RALGDS: variants seen among roughly 807,000 people sequenced by gnomAD.
The protein encoded by RALGDS is ral guanine nucleotide exchange factor.
In RALGDS, 44 loss-of-function variants were observed where a neutral mutation model predicts 99.8. The observed-to-expected ratio is 0.44, with a 90% CI of 0.35 to 0.57. RALGDS has a LOEUF of 0.57. RALGDS is among the 20% of genes least tolerant of loss of function. The probability of loss-of-function intolerance (pLI) is 0.01; values close to 1 mark genes in which losing one functional copy is unlikely to be tolerated. For synonymous variants in RALGDS, 529 were observed against 505.0 expected (o/e 1.05, Z -0.64); for missense variants, 1,022 against 1,203.1 (o/e 0.85, Z 2.23).
intron 1 of RALGDS, among the ~76,000 whole-genome samples, chr9:133,127,081 CT>C (rs1832185370): frequency 6.6e-6 from 1 of 152,254 alleles, no homozygotes; most frequent in African/African-American, 2.4e-5. Flanking sequence ...CCCCTTCTGT[CT>C]GGCTGGTGCG....
At chr9:133,105,023 C>T (rs1350549734) in intron 9 of RALGDS, among the ~76,000 whole-genome samples, 2 of 152,216 alleles carry the variant, frequency 1.3e-5, no homozygotes, top group Non-Finnish European at 2.9e-5. Context: ...ACAGGCTCTT[C>T]TGTCCTAGCC....
chr9:133,138,372 G>A (rs77785575), intron 1 of RALGDS, among the ~76,000 whole-genome samples: 2,192 of 152,276 alleles, frequency 0.014, 49 homozygotes, highest in African/African-American at 0.05. Context: ...CCTGGAAGGC[G>A]AGGCTCAAGG....
In RALGDS at chr9:133,121,178, G is replaced by A; in HGVS notation, c.-24C>T. 2 of 1,053,464 alleles carry A rather than the reference G, an allele frequency of 1.9e-6. No individual in the cohort carries two copies. The highest frequency in any genetic ancestry group is 1.1e-6 in the Non-Finnish European group (1 of 875,228). The allele number at this position is 1,053,464 out of a possible 1,614,324, so 65.3% of individuals were successfully genotyped here. A position where few individuals can be genotyped will look rare whatever the true frequency, so the allele number is the denominator to read the frequency against. On this transcript the variant is annotated 5_prime_UTR_variant, in exon 1 of 18. Coordinates refer to ENST00000372050, the MANE Select transcript of RALGDS (RefSeq NM_006266.4). ...ATGGAAGGCTCGCAGCGCGGGCGCG[G>A]GGCCGGCCCGGCGCGCGGCGGGGGC...
At position 133,101,334 on chromosome 9, in the gene RALGDS, C is replaced by T. The variant is rs751933844; in HGVS notation, c.2454+186G>A. On this transcript the variant is annotated intron_variant, in intron 16 of 17. Transcript: ENST00000372050. ...GGGGCTTTGCACGGCTGCTCCTTTC[C>T]TCCCCCTCTGCCCTCAGGCCAGCCT... 5.5e-6 allele frequency: 8 copies of T among 1,461,804 alleles called. No individual in the cohort carries two copies. In the East Asian group the frequency reaches 1.6e-4, roughly 30 times the overall value. The allele number at this position is 1,461,804 out of a possible 1,614,324, so 90.6% of individuals were successfully genotyped here.
chr9:133,113,997 C>T (rs1831475168), intron 1 of RALGDS, among the ~76,000 whole-genome samples: 1 of 152,226 alleles, frequency 6.6e-6, no homozygotes, highest in Non-Finnish European at 1.5e-5. Flanking sequence ...CCAGGCAGGC[C>T]AATCCCCAGG....
intron 1 of RALGDS, chr9:133,129,106 C>A (rs1192182638): frequency 1.9e-6 from 3 of 1,557,740 alleles, no homozygotes; most frequent in South Asian, 1.2e-5. Flanking sequence ...CAGCCCCTCC[C>A]CGGCAGAGGC....
chr9:133,139,779 G>T (rs1003023594), intron 1 of RALGDS, among the ~76,000 whole-genome samples: 1 of 152,198 alleles, frequency 6.6e-6, no homozygotes, highest in Admixed American at 6.5e-5. Flanking sequence ...TCTGCGAAGC[G>T]GAGCAGACAT....
At position 133,104,498 on chromosome 9, in the gene RALGDS, C is replaced by T. The variant is rs1353996222; in HGVS notation, c.1603-167G>A. 1.2e-5 allele frequency: 8 copies of T among 656,826 alleles called. No individual in the cohort carries two copies. In the Admixed American group the frequency reaches 1.6e-4, roughly 13 times the overall value. The allele number at this position is 656,826 out of a possible 1,614,324, so 40.7% of individuals were successfully genotyped here. ...CTGGCCTTCCTGAGCCTGCCTCCCC[C>T]TCTGGAAAGTGCGGATGAGAACTCC... On this transcript the variant is annotated intron_variant, in intron 9 of 17. Coordinates refer to ENST00000372050, the MANE Select transcript of RALGDS (RefSeq NM_006266.4).
intron 1 of RALGDS, 94 bp downstream of exon 1, chr9:133,120,878 C>T (rs1013268247): frequency 2.3e-6 from 3 of 1,303,788 alleles, no homozygotes; most frequent in South Asian, 3.4e-5. Flanking sequence ...TGGGATCGCC[C>T]GGCCCCGTCC....
chr9:133,104,363 C>T (rs760190171), intron 9 of RALGDS, 32 bp from the exon 10 acceptor site: 30 of 1,583,486 alleles, frequency 1.9e-5, no homozygotes, highest in African/African-American at 5.4e-5. Flanking sequence ...TCAGCAAGGC[C>T]CTATCCCCTC....
chr9:133,146,074 C>T (rs1431359745), intron 1 of RALGDS, among the ~76,000 whole-genome samples: 2 of 152,190 alleles, frequency 1.3e-5, no homozygotes. Flanking sequence ...TCCTCATTTG[C>T]ACCATGAACG....
chr9:133,128,524 C>T (rs982311668), intron 1 of RALGDS, among the ~76,000 whole-genome samples: 20 of 152,170 alleles, frequency 1.3e-4, no homozygotes, highest in African/African-American at 3.9e-4. Flanking sequence ...GGTGGTCAGC[C>T]GCCATCCTGG....
At chr9:133,125,949 G>A (rs960744142), upstream of RALGDS, among the ~76,000 whole-genome samples, 1 of 152,164 alleles carries the variant, frequency 6.6e-6, no homozygotes, top group Non-Finnish European at 1.5e-5. Context: ...GACTGAGGCC[G>A]TGGGCAGCTA....
chr9:133,102,993 C>G (rs909163995), intron 12 of RALGDS, 93 bp from the exon 13 acceptor site: 15 of 1,543,994 alleles, frequency 9.7e-6, no homozygotes, highest in East Asian at 4.6e-5. Flanking sequence ...TCCCTTCCTC[C>G]CCTCTACTCC....
exon 1 of RALGDS, chr9:133,131,004 G>T (rs887265364): frequency 6.5e-7 from 1 of 1,535,608 alleles, no homozygotes; most frequent in South Asian, 1.2e-5. Flanking sequence ...CAAGTGGAGG[G>T]CACAGGGCAG....
chr9:133,101,733 C>T lies in RALGDS; in HGVS notation c.2241G>A (p.Pro747=), dbSNP rs746484523. 8.7e-6 allele frequency: 14 copies of T among 1,612,622 alleles called. No individual in the cohort carries two copies. Among genetic ancestry groups the T allele is most frequent in the Admixed American group, 5.0e-5 (3 of 59,758 alleles). ...AGGCTGAGCTGATGCCGGAGGTCTC[C>T]GGGGATGACTGTGAGGCTGATTCCC... ...KFWESASQSS[P]ETSGISSASS... is the part of the protein sequence containing the mutation. Residue 747 remains proline (P), a synonymous_variant, in exon 16 of 18, where the codon CCG becomes CCA. Transcript: ENST00000372050.
chr9:133,124,916 C>A (rs974322526), upstream of RALGDS, among the ~76,000 whole-genome samples: 2 of 152,238 alleles, frequency 1.3e-5, no homozygotes, highest in Non-Finnish European at 2.9e-5. Flanking sequence ...CATATAACTG[C>A]CATTTGTGGG....
In RALGDS at chr9:133,102,873, G is replaced by T. The variant is rs1830826878; in HGVS notation, c.1819C>A (p.Leu607Met). Residue 607 changes from leucine to methionine, a missense_variant, in exon 13 of 18, where the codon CTG becomes ATG. Leu to Met is a conservative substitution (Grantham distance 15). Transcript: ENST00000372050. ...KEFEVIAQIK[L>M]LQSACNNYSI... ...TAGTTGTTGCAGGCCGACTGCAGCA[G>T]CTTGATCTGGGCGATCACCTCGAAC... is the stretch of plus-strand genomic sequence containing the variant. 6.2e-7 allele frequency: 1 copy of T among 1,613,408 alleles called. No individual in the cohort carries two copies. Among genetic ancestry groups the T allele is most frequent in the Non-Finnish European group, 8.5e-7 (1 of 1,179,998 alleles).
At chr9:133,125,058 A>G (rs602060), upstream of RALGDS, among the ~76,000 whole-genome samples, 82,717 of 152,134 alleles carry the variant, frequency 0.54, 22,565 homozygotes, top group South Asian at 0.68. Flanking sequence ...AAGAAAGGGG[A>G]AACTAGACTA....
Sources: gnomAD v4.1 joint callset for allele counts (sites outside exome capture counted in the v4.1 genomes callset) on GRCh38, gnomAD v4.1.1 for gene constraint, MANE v1.5 for transcripts, NCBI Gene and HGNC (gene_info 2026-07-23, HGNC 2026-07-21) for gene names.